ACAP2: variants seen among roughly 807,000 people sequenced by gnomAD.
The protein encoded by ACAP2 is ArfGAP with coiled-coil, ankyrin repeat and PH domains 2, also known as arf-GAP with coiled-coil, ANK repeat and PH domain-containing protein 2.
Under a neutral mutation model 115.8 loss-of-function variants are expected in ACAP2, and 39 were observed. The ratio of observed to expected loss-of-function variants is 0.34; its 90% CI spans 0.26 to 0.44. The LOEUF (loss-of-function observed/expected upper bound fraction) is 0.44, where lower values mean the gene tolerates loss of function less well. Ranked by LOEUF, ACAP2 falls within the 20% of genes least tolerant of loss-of-function variation. The probability of loss-of-function intolerance (pLI) is 1.00; values close to 1 mark genes in which losing one functional copy is unlikely to be tolerated. For synonymous variants in ACAP2, 289 were observed against 315.8 expected (o/e 0.92, Z 0.90); for missense variants, 662 against 927.6 (o/e 0.71, Z 3.72).
At chr3:195,310,119 T>TATTTAGAC (rs11282787) in intron 10 of ACAP2, among the ~76,000 whole-genome samples, 124,963 of 151,408 alleles carry the variant, frequency 0.83, 51,800 homozygotes, top group East Asian at 0.94. Flanking sequence ...TTAGAAATTG[T>TATTTAGAC]ATTTAGAATT....
chr3:195,358,400 G>A (rs886711565), intron 4 of ACAP2, among the ~76,000 whole-genome samples: 1 of 152,080 alleles, frequency 6.6e-6, no homozygotes, highest in East Asian at 1.9e-4. Flanking sequence ...AAGGCACCAG[G>A]GGCAAATCGG....
chr3:195,374,783 C>T (rs949086466), intron 4 of ACAP2, among the ~76,000 whole-genome samples: 1 of 151,990 alleles, frequency 6.6e-6, no homozygotes, highest in African/African-American at 2.4e-5. Flanking sequence ...GGCACCATCT[C>T]GGCTCACTAC....
chr3:195,293,687 CAAA>C (rs1727417238), intron 18 of ACAP2, among the ~76,000 whole-genome samples: 1 of 151,926 alleles, frequency 6.6e-6, no homozygotes, highest in African/African-American at 2.4e-5. Flanking sequence ...ACTAAAAATA[CAAA>C]AATTAGCTGG....
chr3:195,319,546 G>A (rs1037163418), intron 10 of ACAP2, among the ~76,000 whole-genome samples: 2 of 152,358 alleles, frequency 1.3e-5, no homozygotes, highest in African/African-American at 4.8e-5. Context: ...TGTGAGACAT[G>A]GAGTCAAAGG....
intron 1 of ACAP2, among the ~76,000 whole-genome samples, chr3:195,400,532 T>C (rs1451951605): frequency 6.6e-6 from 1 of 152,186 alleles, no homozygotes; most frequent in Non-Finnish European, 1.5e-5. Context: ...CCTCTTCTTT[T>C]TAAAGTTGAC....
chr3:195,306,817 A>C (rs1341320741), intron 12 of ACAP2: 6 of 419,226 alleles, frequency 1.4e-5, no homozygotes, highest in African/African-American at 2.1e-5. Context: ...GAAACAAATT[A>C]TCTCTTAAAA....
chr3:195,424,244 G>GGTGTGT lies in ACAP2; in HGVS notation c.53+18545_53+18550dup, dbSNP rs58166272. On this transcript the variant is annotated intron_variant, in intron 1 of 22. Transcript: ENST00000326793. Reference sequence around the variant, plus strand: ...GTCATATGTGTGTGTGTGTGTGTGTGGTGTGTGTGTGTGTGTGTATATATA... The same window carrying GGTGTGT: ...GTCATATGTGTGTGTGTGTGTGTGTGGTGTGTGTGTGTGTGTGTGTGTGTATATATA... Among the ~76,000 whole-genome samples the GGTGTGT allele has an allele frequency of 1.6e-4, 11 of 69,632 alleles. No individual in the cohort carries two copies. In the South Asian group the frequency reaches 1.6e-3, roughly 10 times the overall value. 45.7% of individuals were successfully genotyped at this position (69,632 alleles called of 152,430 possible). A position where few individuals can be genotyped will look rare whatever the true frequency, so the allele number is the denominator to read the frequency against.
intron 1 of ACAP2, among the ~76,000 whole-genome samples, chr3:195,424,488 G>A (rs978877332): frequency 2.0e-5 from 3 of 150,620 alleles, no homozygotes; most frequent in Non-Finnish European, 3.0e-5. Context: ...CAGTAGAGAC[G>A]GGGTTTCACC....
chr3:195,351,017 T>C (rs1358152535), intron 4 of ACAP2, among the ~76,000 whole-genome samples: 1 of 151,756 alleles, frequency 6.6e-6, no homozygotes, highest in Non-Finnish European at 1.5e-5. Context: ...AAAAGTTTGA[T>C]CTTTAAAAAA....
chr3:195,437,884 G>GGTT (rs1715675925), intron 1 of ACAP2, among the ~76,000 whole-genome samples: 1 of 93,096 alleles, frequency 1.1e-5, no homozygotes, highest in African/African-American at 5.1e-5. Context: ...TACTTTACAT[G>GGTT]CTTTTTTTTT....
chr3:195,413,914 G>A (rs1325844075), intron 1 of ACAP2, among the ~76,000 whole-genome samples: 2 of 151,484 alleles, frequency 1.3e-5, no homozygotes, highest in Non-Finnish European at 2.9e-5. Flanking sequence ...GTTTGAGGCT[G>A]CAATGAGCTA....
chr3:195,442,771 A>T lies in ACAP2; in HGVS notation c.53+24T>A, dbSNP rs773327613. ...GCGCCGGGAAGGCAGCTCCGCGGTG[A>T]CGCCGGGCGGCCGTGCCGGTTACCT... On this transcript the variant is annotated intron_variant, in intron 1 of 22. Coordinates refer to ENST00000326793, the MANE Select transcript of ACAP2 (RefSeq NM_012287.6). The T allele has an allele frequency of 7.9e-5, 121 of 1,528,350 alleles. 1 individual carries two copies. The highest frequency in any genetic ancestry group is 7.2e-5 in the Non-Finnish European group (82 of 1,137,940). 94.7% of individuals were successfully genotyped at this position (1,528,350 alleles called of 1,614,324 possible).
At position 195,308,795 on chromosome 3, in the gene ACAP2, T is replaced by C. The variant is rs751817255; in HGVS notation, c.900A>G (p.Lys300=). 1 of 1,609,822 alleles carries C rather than the reference T, an allele frequency of 6.2e-7. No individual in the cohort carries two copies. Among genetic ancestry groups the C allele is most frequent in the South Asian group, 1.1e-5 (1 of 89,584 alleles). The change falls in exon 11 of 23, where the codon AAA becomes AAG. Residue 300 remains lysine (K), a synonymous_variant. Transcript: ENST00000326793. ...ATTTATTAACACCTACCTTAAATTT[T>C]TTCTGGTAAACCAACTGATTATTCT... The part of the protein sequence containing the change: ...SIQNNQLVYQ[K]KFKDNPTVVV...
intron 1 of ACAP2, among the ~76,000 whole-genome samples, chr3:195,413,642 G>C (rs139286912): frequency 7.9e-5 from 12 of 152,252 alleles, no homozygotes; most frequent in Non-Finnish European, 1.8e-4. Flanking sequence ...CAGGTACTCA[G>C]GAGGCTGAGG....
chr3:195,439,061 C>CA (rs5855626), intron 1 of ACAP2, among the ~76,000 whole-genome samples: 48,491 of 141,500 alleles, frequency 0.34, 8,706 homozygotes, highest in East Asian at 0.82. Context: ...AACTCTATCT[C>CA]AAAAAAAAAA....
intron 1 of ACAP2, 26 bp downstream of exon 1, chr3:195,442,769 T>C (rs1283501207): frequency 6.5e-7 from 1 of 1,528,032 alleles, no homozygotes; most frequent in East Asian, 2.7e-5. Flanking sequence ...AGCTCCGCGG[T>C]GACGCCGGGC....
intron 10 of ACAP2, among the ~76,000 whole-genome samples, chr3:195,313,550 C>T (rs1380847536): frequency 6.6e-6 from 1 of 152,174 alleles, no homozygotes; most frequent in African/African-American, 2.4e-5. Context: ...ACTTGAAAGC[C>T]ACACATACGT....
intron 4 of ACAP2, among the ~76,000 whole-genome samples, chr3:195,363,225 C>T (rs563684348): frequency 3.2e-4 from 48 of 152,024 alleles, no homozygotes; most frequent in Non-Finnish European, 5.0e-4. Context: ...AAATACTTAG[C>T]AATTAACCAA....
intron 18 of ACAP2, 27 bp from the exon 19 acceptor site, chr3:195,292,479 T>C (rs1392313990): frequency 3.8e-6 from 6 of 1,560,952 alleles, no homozygotes; most frequent in Non-Finnish European, 4.3e-6. Context: ...TACACATCAA[T>C]AAAAATGAGC....
Sources: allele counts gnomAD v4.1 joint callset (sites outside exome capture counted in the v4.1 genomes callset), GRCh38; gene constraint gnomAD v4.1.1; transcripts MANE v1.5; gene names NCBI Gene and HGNC (gene_info 2026-07-23, HGNC 2026-07-21).